The following NAV2 variants were observed in gnomAD, a reference collection of about 807,000 sequenced individuals.
The protein encoded by NAV2 is neuron navigator 2.
Under a neutral mutation model 223.2 loss-of-function variants are expected in NAV2, and 54 were observed. The observed-to-expected ratio is 0.24, with a 90% CI of 0.19 to 0.30. NAV2 has a LOEUF of 0.30. Among genes scored for constraint, NAV2 ranks in the 10% least tolerant of loss-of-function variants. The probability of loss-of-function intolerance (pLI) is 1.00; values close to 1 mark genes in which losing one functional copy is unlikely to be tolerated. For synonymous variants in NAV2, 1,279 were observed against 1,239.3 expected (o/e 1.03, Z -0.67); for missense variants, 2,806 against 3,147.5 (o/e 0.89, Z 2.60).
the NAV2 span, among the ~76,000 whole-genome samples, chr11:19,345,379 T>C: frequency 6.6e-6 from 1 of 152,102 alleles, no homozygotes; most frequent in Non-Finnish European, 1.5e-5. The surrounding 1 kb of genome is among the most constrained non-coding windows in gnomAD (Gnocchi z 5.2). Context: ...GGGACCGGCC[T>C]GGGAAAGTTT....
At chr11:19,470,953 G>A (rs2041946241) in intron 1 of NAV2, among the ~76,000 whole-genome samples, 1 of 152,130 alleles carries the variant, frequency 6.6e-6, no homozygotes, top group South Asian at 2.1e-4. Context: ...TGTAGAGTCA[G>A]CCTCCCAAGC....
At chr11:19,401,791 A>G (rs1222649505) in intron 1 of NAV2, 3 of 152,198 alleles carry the variant, frequency 2.0e-5, no homozygotes, top group African/African-American at 4.8e-5. Flanking sequence ...TAGAAGGAAT[A>G]ATTTCCTGCA....
At chr11:19,528,724 G>T (rs1306871925) in intron 1 of NAV2, among the ~76,000 whole-genome samples, 3 of 152,142 alleles carry the variant, frequency 2.0e-5, no homozygotes, top group Admixed American at 1.3e-4. Flanking sequence ...GAGGTCAAGA[G>T]ATCGAAACCA....
chr11:19,544,017 C>T (rs2134563283), intron 1 of NAV2, among the ~76,000 whole-genome samples: 1 of 152,352 alleles, frequency 6.6e-6, no homozygotes, highest in Middle Eastern at 3.4e-3. Context: ...ATACTTACTA[C>T]AACATGATTT....
At position 19,855,802 on chromosome 11, in the gene NAV2, A is replaced by G. The variant is rs187276312; in HGVS notation, c.438+12879A>G. 3.5e-3 allele frequency among the ~76,000 whole-genome samples: 537 copies of G among 152,338 alleles called. 5 individuals are homozygous for G. The highest frequency in any genetic ancestry group is 3.4e-3 in the Middle Eastern group (1 of 294). On this transcript the variant is annotated intron_variant, in intron 3 of 37. Coordinates refer to ENST00000349880, the MANE Select transcript of NAV2 (RefSeq NM_145117.5). ...GGCCTTTCATGGTTAGCCTTTGGAT[A>G]GGGTGTTTCTTCCTACTTGGTCTTT...
chr11:19,835,721 ATACATAAAATTTTC>A (rs2060190202), intron 2 of NAV2, among the ~76,000 whole-genome samples: 1 of 151,972 alleles, frequency 6.6e-6, no homozygotes, highest in South Asian at 2.1e-4. Flanking sequence ...CTATATATAC[ATACATAAAATTTTC>A]TACATAAAAT....
chr11:19,349,976 G>A (rs1196754465), upstream of NAV2, among the ~76,000 whole-genome samples: 2 of 152,054 alleles, frequency 1.3e-5, no homozygotes, highest in Non-Finnish European at 2.9e-5. Context: ...CTGGTGTCTC[G>A]CCTGCCATAC....
intron 1 of NAV2, among the ~76,000 whole-genome samples, chr11:19,428,861 T>G (rs2133575060): frequency 6.6e-6 from 1 of 152,354 alleles, no homozygotes; most frequent in East Asian, 1.9e-4. Context: ...TCTTTCTTCA[T>G]CCATATCAGG....
intron 1 of NAV2, among the ~76,000 whole-genome samples, chr11:19,790,823 A>AT (rs962410457): frequency 4.6e-5 from 7 of 151,902 alleles, no homozygotes; most frequent in Admixed American, 1.3e-4. Flanking sequence ...AGGGGGGAAT[A>AT]TTAGGGCTGG....
At chr11:19,521,409 C>T (rs537965108) in intron 1 of NAV2, among the ~76,000 whole-genome samples, 37 of 152,290 alleles carry the variant, frequency 2.4e-4, no homozygotes, top group South Asian at 6.2e-4. Context: ...ACGGCCAAAT[C>T]GGAGCTGGCT....
intron 1 of NAV2, among the ~76,000 whole-genome samples, chr11:19,441,583 T>C (rs1303291789): frequency 6.6e-6 from 1 of 152,216 alleles, no homozygotes; most frequent in Admixed American, 6.5e-5. Flanking sequence ...CCTAATCTTT[T>C]AGAAACAACC....
Position 19,933,783 on chromosome 11 carries a change from G to C in NAV2, c.1539G>C (p.Arg513Ser). 1 of 1,614,198 alleles carries C rather than the reference G, an allele frequency of 6.2e-7. No individual in the cohort carries two copies. The highest frequency in any genetic ancestry group is 8.5e-7 in the Non-Finnish European group (1 of 1,180,036). The change falls in exon 7 of 38, where the codon AGG (arginine) becomes AGC (serine). Residue 513 changes from arginine to serine, a missense_variant. By Grantham distance (110) the Arg-to-Ser change is moderately radical (BLOSUM62 -1). This residue lies in a region of NAV2 where 1,167 missense variants were observed against 1,180.5 expected (regional missense o/e 0.99). Transcript: ENST00000349880. The surrounding 1 kb of genome is among the most constrained non-coding windows in gnomAD (Gnocchi z 4.3). ...CCAAGAGAGCCTCTGTGACGGAGAGGCTGGACCTCAAGGAGGAGCCAAAAG... is the reference window on the plus strand; with the variant it reads ...CCAAGAGAGCCTCTGTGACGGAGAGCCTGGACCTCAAGGAGGAGCCAAAAG... The part of the protein sequence containing the change: ...DLAKRASVTE[R>S]LDLKEEPKED...
chr11:19,695,887 T>TAATAAAATAAAATAAAATAATATAA (rs2049319169), intron 1 of NAV2, among the ~76,000 whole-genome samples: 1 of 52,816 alleles, frequency 1.9e-5, no homozygotes, highest in Non-Finnish European at 7.4e-5. Context: ...CTGGATGAAA[T>TAATAAAATAAAATAAAATAATATAA]AATAAAATAA....
intron 3 of NAV2, among the ~76,000 whole-genome samples, chr11:19,866,979 G>A (rs1203641744): frequency 1.3e-5 from 2 of 152,074 alleles, no homozygotes; most frequent in African/African-American, 4.8e-5. Context: ...CAGTAGAAGA[G>A]AGATTTTATA....
intron 1 of NAV2, among the ~76,000 whole-genome samples, chr11:19,545,582 G>A (rs1433021819): frequency 1.3e-5 from 2 of 152,188 alleles, no homozygotes; most frequent in Non-Finnish European, 2.9e-5. Flanking sequence ...GACTGAATCA[G>A]GAAAGTGGTA....
intron 11 of NAV2, among the ~76,000 whole-genome samples, chr11:20,017,666 T>C (rs960182471): frequency 2.0e-5 from 3 of 152,236 alleles, no homozygotes; most frequent in African/African-American, 4.8e-5. Context: ...GCAAAGGTTT[T>C]GCATTGACTA....
intron 19 of NAV2, among the ~76,000 whole-genome samples, chr11:20,058,124 C>A (rs1294327272): frequency 6.6e-6 from 1 of 152,150 alleles, no homozygotes; most frequent in East Asian, 1.9e-4. Context: ...TAATTCCTTT[C>A]GTTGAAATTC....
intron 12 of NAV2, among the ~76,000 whole-genome samples, chr11:20,041,947 T>A (rs1306240197): frequency 2.6e-5 from 4 of 152,224 alleles, no homozygotes; most frequent in African/African-American, 2.4e-5. Context: ...GTCTTTTTCC[T>A]TATAATAGTC....
intron 31 of NAV2, among the ~76,000 whole-genome samples, chr11:20,100,378 C>G (rs1354793199): frequency 6.6e-6 from 1 of 152,156 alleles, no homozygotes; most frequent in Non-Finnish European, 1.5e-5. Flanking sequence ...TTGCATTTTT[C>G]CTCCTTTTAA....
Sources: allele counts gnomAD v4.1 joint callset (sites outside exome capture counted in the v4.1 genomes callset), GRCh38; gene constraint gnomAD v4.1.1; regional missense constraint gnomAD v4.1.1; non-coding constraint Gnocchi (gnomAD v3.1); transcripts MANE v1.5; gene names NCBI Gene and HGNC (gene_info 2026-07-23, HGNC 2026-07-21).